Variants in PITPNC1 observed in about 807,000 individuals in gnomAD.
PITPNC1 encodes the protein cytoplasmic phosphatidylinositol transfer protein 1.
Under a neutral mutation model 44.7 loss-of-function variants are expected in PITPNC1, and 18 were observed. That is an observed-to-expected ratio of 0.40 (90% CI 0.28 to 0.60). The LOEUF (loss-of-function observed/expected upper bound fraction) is 0.60, where lower values mean the gene tolerates loss of function less well. Ranked by LOEUF, PITPNC1 falls within the 20% of genes least tolerant of loss-of-function variation. The pLI, the probability that PITPNC1 is intolerant of heterozygous loss-of-function variation, is 0.39. For missense variants in PITPNC1, 290 were observed against 418.4 expected, an observed-to-expected ratio of 0.69 and a Z score of 2.68; for synonymous variants, 141 against 149.6, an observed-to-expected ratio of 0.94 and a Z score of 0.42.
At chr17:67,685,697 A>C (rs1190512437) in intron 8 of PITPNC1, among the ~76,000 whole-genome samples, 1 of 152,226 alleles carries the variant, frequency 6.6e-6, no homozygotes, top group Non-Finnish European at 1.5e-5. Context: ...TTGCTGATAA[A>C]ATGTAAAATA....
rs775192295 is a variant in PITPNC1, at chr17:67,578,257, C to T, written c.366C>T (p.Thr122=). Residue 122 remains threonine, a splice_region_variant and synonymous_variant, in exon 5 of 9, where the codon ACC becomes ACT. Coordinates refer to ENST00000581322, the MANE Select transcript of PITPNC1 (RefSeq NM_012417.4). The part of the protein sequence containing the change: ...KYEDNKGSND[T]IFDNEAKDVE... Reference sequence around the variant, plus strand: ...AGGACAACAAAGGAAGCAATGACACCGTGAGTAGCCCCTCCTTCCATGCTG... The same window carrying T: ...AGGACAACAAAGGAAGCAATGACACTGTGAGTAGCCCCTCCTTCCATGCTG... 1.6e-5 allele frequency: 25 copies of T among 1,601,522 alleles called. No individual in the cohort carries two copies. Among genetic ancestry groups the T allele is most frequent in the East Asian group, 1.1e-4 (5 of 44,822 alleles).
chr17:67,419,511 C>T (rs2038637962), intron 1 of PITPNC1, among the ~76,000 whole-genome samples: 5 of 152,136 alleles, frequency 3.3e-5, no homozygotes, highest in Admixed American at 3.3e-4. Flanking sequence ...CTACTTGGGA[C>T]ACTTTCTAGT....
intron 6 of PITPNC1, among the ~76,000 whole-genome samples, chr17:67,664,589 C>A (rs773185078): frequency 6.6e-6 from 1 of 151,994 alleles, no homozygotes; most frequent in Non-Finnish European, 1.5e-5. Flanking sequence ...TGTTTCTCGG[C>A]GACCTGTATA....
intron 1 of PITPNC1, among the ~76,000 whole-genome samples, chr17:67,443,334 G>A (rs781236155): frequency 1.3e-5 from 2 of 151,780 alleles, no homozygotes; most frequent in Non-Finnish European, 2.9e-5. Context: ...ATCCCTGACT[G>A]GCTGGGCAGA....
chr17:67,546,099 A>G (rs2040677557), intron 2 of PITPNC1, among the ~76,000 whole-genome samples: 1 of 151,926 alleles, frequency 6.6e-6, no homozygotes, highest in Non-Finnish European at 1.5e-5. Context: ...AGGCTGAGGC[A>G]GGAGAATCAC....
chr17:67,639,549 A>G (rs1567753852), intron 6 of PITPNC1, among the ~76,000 whole-genome samples: 1 of 152,246 alleles, frequency 6.6e-6, no homozygotes, highest in Non-Finnish European at 1.5e-5. Context: ...AAAGAATAAC[A>G]TGAGGCTGTC....
chr17:67,672,361 C>T (rs563891324), intron 7 of PITPNC1, among the ~76,000 whole-genome samples: 8 of 151,702 alleles, frequency 5.3e-5, no homozygotes, highest in African/African-American at 1.5e-4. Context: ...TTTGAGAGGC[C>T]GAGGCAGGCA....
At chr17:67,576,971 T>C (rs189640633) in intron 4 of PITPNC1, among the ~76,000 whole-genome samples, 2 of 152,292 alleles carry the variant, frequency 1.3e-5, no homozygotes, top group East Asian at 3.9e-4. Flanking sequence ...AAATGACTTA[T>C]CCAAATTACA....
intron 5 of PITPNC1, among the ~76,000 whole-genome samples, chr17:67,579,692 A>G (rs12450297): frequency 0.26 from 36,610 of 139,098 alleles, 5,406 homozygotes; most frequent in South Asian, 0.41. Context: ...TAATCCTAGC[A>G]TGTTGGGAGG....
At chr17:67,559,446 C>T (rs928577548) in intron 4 of PITPNC1, among the ~76,000 whole-genome samples, 2 of 152,130 alleles carry the variant, frequency 1.3e-5, no homozygotes, top group African/African-American at 4.8e-5. Context: ...AATTAACCCT[C>T]GATATTTAGT....
chr17:67,697,148 T>C lies in PITPNC1; in HGVS notation c.*4260T>C, dbSNP rs2043023280. 6.6e-6 allele frequency: 1 copy of C among 151,202 alleles called. No individual in the cohort carries two copies. The highest frequency in any genetic ancestry group is 2.1e-4 in the South Asian group (1 of 4,782). The allele number at this position is 151,202 out of a possible 1,614,324, so 9.4% of individuals were successfully genotyped here. On this transcript the variant is annotated 3_prime_UTR_variant, in exon 9 of 9. Coordinates refer to ENST00000581322, the MANE Select transcript of PITPNC1 (RefSeq NM_012417.4). Reference sequence around the variant, plus strand: ...AAGTTGATCCTTACATATGCCATCCTTCTGTGTCATTTTGTGGCTGTTCTG... The same window carrying C: ...AAGTTGATCCTTACATATGCCATCCCTCTGTGTCATTTTGTGGCTGTTCTG...
intron 4 of PITPNC1, among the ~76,000 whole-genome samples, chr17:67,563,462 G>A (rs1009854881): frequency 1.3e-5 from 2 of 152,112 alleles, no homozygotes; most frequent in African/African-American, 4.8e-5. Flanking sequence ...TTGATGTTAG[G>A]CCCGTTGTAA....
intron 1 of PITPNC1, among the ~76,000 whole-genome samples, chr17:67,406,555 C>G (rs191596360): frequency 6.6e-6 from 1 of 151,310 alleles, no homozygotes; most frequent in East Asian, 1.9e-4. Flanking sequence ...GTACTTCATT[C>G]CTTTTCATGG....
At chr17:67,536,516 C>T (rs539227111) in intron 2 of PITPNC1, among the ~76,000 whole-genome samples, 9 of 152,232 alleles carry the variant, frequency 5.9e-5, no homozygotes, top group South Asian at 2.1e-4. Context: ...CATGAGCCAC[C>T]GTGCCCAGCC....
chr17:67,488,646 A>G (rs562444139), intron 1 of PITPNC1, among the ~76,000 whole-genome samples: 167 of 152,298 alleles, frequency 1.1e-3, no homozygotes, highest in African/African-American at 3.2e-3. Context: ...TATTAAGTGC[A>G]TTCCTATCGT....
chr17:67,384,159 A>G (rs2143783096), intron 1 of PITPNC1, among the ~76,000 whole-genome samples: 1 of 152,336 alleles, frequency 6.6e-6, no homozygotes, highest in South Asian at 2.1e-4. Context: ...CTCTAGGGAT[A>G]TGGTGCACAA....
intron 1 of PITPNC1, among the ~76,000 whole-genome samples, chr17:67,424,949 C>G (rs1412233536): frequency 6.6e-6 from 1 of 151,860 alleles, no homozygotes; most frequent in Admixed American, 6.6e-5. Context: ...TTTGTTTCTG[C>G]CCCACCCTAA....
intron 4 of PITPNC1, among the ~76,000 whole-genome samples, chr17:67,560,687 C>A (rs1462214311): frequency 6.6e-6 from 1 of 152,182 alleles, no homozygotes; most frequent in Non-Finnish European, 1.5e-5. Context: ...TTTGGAACAG[C>A]CAGTTTTGTT....
At chr17:67,380,858 C>T (rs1423290274) in intron 1 of PITPNC1, among the ~76,000 whole-genome samples, 2 of 152,088 alleles carry the variant, frequency 1.3e-5, no homozygotes, top group Non-Finnish European at 1.5e-5. Context: ...ACTGCAGCCT[C>T]CATCTCCTGG....
Sources: gnomAD v4.1 joint callset for allele counts (sites outside exome capture counted in the v4.1 genomes callset) on GRCh38, gnomAD v4.1.1 for gene constraint, MANE v1.5 for transcripts, NCBI Gene and HGNC (gene_info 2026-07-23, HGNC 2026-07-21) for gene names.